The following PRR16 variants were observed in gnomAD, a reference collection of about 807,000 sequenced individuals.
The protein encoded by PRR16 is protein Largen.
A neutral mutation model predicts 18.2 loss-of-function variants in PRR16; 6 were observed. That is an observed-to-expected ratio of 0.33 (90% CI 0.18 to 0.65). The LOEUF is 0.65. Ranked by LOEUF, PRR16 falls within the 30% of genes least tolerant of loss-of-function variation. PRR16 has a pLI of 0.74. For synonymous variants in PRR16, 151 were observed against 147.8 expected, an observed-to-expected ratio of 1.02 and a Z score of -0.16; for missense variants, 412 against 376.6, an observed-to-expected ratio of 1.09 and a Z score of -0.78.
At chr5:120,605,270 G>T (rs531476028) in intron 1 of PRR16, among the ~76,000 whole-genome samples, 365 of 152,102 alleles carry the variant, frequency 2.4e-3, no homozygotes, top group Non-Finnish European at 3.3e-3. Context: ...TTTTCTACTT[G>T]AGTTGATTCA....
intron 1 of PRR16, among the ~76,000 whole-genome samples, chr5:120,544,542 A>G (rs1056918150): frequency 6.6e-6 from 1 of 152,160 alleles, no homozygotes; most frequent in East Asian, 1.9e-4. Flanking sequence ...ATTTATGTAT[A>G]TGACACTAAA....
At chr5:120,481,122 C>T (rs1208739933) in intron 1 of PRR16, 1 of 1,191,934 alleles carries the variant, frequency 8.4e-7, no homozygotes, top group Non-Finnish European at 1.1e-6. Flanking sequence ...AACACAGCTA[C>T]TTTACCAATG....
the PRR16 span, among the ~76,000 whole-genome samples, chr5:120,767,311 T>C: frequency 2.0e-5 from 3 of 151,946 alleles, no homozygotes; most frequent in Non-Finnish European, 2.9e-5. Flanking sequence ...CAGGGCACCA[T>C]AGAAGTAGGC....
the PRR16 span, among the ~76,000 whole-genome samples, chr5:120,752,334 T>C: frequency 6.6e-6 from 1 of 152,002 alleles, no homozygotes; most frequent in East Asian, 1.9e-4. Context: ...TAGATAACAG[T>C]GGAGATAATG....
chr5:120,757,760 T>G, the PRR16 span, among the ~76,000 whole-genome samples: 3 of 152,086 alleles, frequency 2.0e-5, no homozygotes, highest in Non-Finnish European at 4.4e-5. Flanking sequence ...GTGTAACTAA[T>G]GGCAAATATA....
At chr5:120,789,508 C>T in the PRR16 span, among the ~76,000 whole-genome samples, 1 of 152,048 alleles carries the variant, frequency 6.6e-6, no homozygotes, top group South Asian at 2.1e-4. Flanking sequence ...TAAGTTTAAA[C>T]TGTATAGACT....
At chr5:120,642,800 G>A (rs988468367) in intron 1 of PRR16, among the ~76,000 whole-genome samples, 4 of 151,858 alleles carry the variant, frequency 2.6e-5, no homozygotes, top group Non-Finnish European at 4.4e-5. Flanking sequence ...ATAGGCACAC[G>A]AAAACACTCT....
the PRR16 span, among the ~76,000 whole-genome samples, chr5:120,732,954 C>T: frequency 3.3e-5 from 5 of 152,028 alleles, no homozygotes; most frequent in South Asian, 2.1e-4. Context: ...ATACCAGATG[C>T]GTGAAAGGGT....
At chr5:120,657,209 G>A (rs1756011766) in intron 1 of PRR16, among the ~76,000 whole-genome samples, 1 of 151,922 alleles carries the variant, frequency 6.6e-6, no homozygotes, top group Admixed American at 6.6e-5. Context: ...GTTTAAGGGA[G>A]ACAAACAATT....
intron 1 of PRR16, among the ~76,000 whole-genome samples, chr5:120,486,927 T>G (rs1262271655): frequency 6.6e-6 from 1 of 152,244 alleles, no homozygotes; most frequent in Admixed American, 6.5e-5. Context: ...TTCCTGTTTT[T>G]GTCAGGTTTG....
At chr5:120,678,770 C>G (rs1449162) in intron 1 of PRR16, among the ~76,000 whole-genome samples, 116,620 of 152,038 alleles carry the variant, frequency 0.77, 44,872 homozygotes, top group East Asian at 0.88. Context: ...AATTTGGATT[C>G]CTTTTATTTC....
the PRR16 span, among the ~76,000 whole-genome samples, chr5:120,702,887 G>C: frequency 6.6e-6 from 1 of 152,180 alleles, no homozygotes; most frequent in African/African-American, 2.4e-5. Flanking sequence ...ATCTTTCTCA[G>C]GGAGCAAAGA....
chr5:120,490,535 T>G (rs565278428), intron 1 of PRR16, among the ~76,000 whole-genome samples: 3 of 152,292 alleles, frequency 2.0e-5, no homozygotes, highest in South Asian at 4.1e-4. Flanking sequence ...GCATTGGTTA[T>G]TCTAGTTAGC....
At chr5:120,631,646 T>G (rs1755058115) in intron 1 of PRR16, among the ~76,000 whole-genome samples, 1 of 151,968 alleles carries the variant, frequency 6.6e-6, no homozygotes. Flanking sequence ...GACTGAGAAC[T>G]ACACTCCTAT....
At chr5:120,526,116 T>G (rs1751338330) in intron 1 of PRR16, among the ~76,000 whole-genome samples, 1 of 152,128 alleles carries the variant, frequency 6.6e-6, no homozygotes, top group African/African-American at 2.4e-5. Flanking sequence ...AGTAACTGTA[T>G]AGGTCATTCA....
the PRR16 span, among the ~76,000 whole-genome samples, chr5:120,727,359 C>A: frequency 1.4e-4 from 21 of 152,140 alleles, no homozygotes; most frequent in African/African-American, 4.8e-4. Flanking sequence ...TCTGCTCTTC[C>A]AAGTTTCTAA....
chr5:120,758,063 T>C, the PRR16 span, among the ~76,000 whole-genome samples: 1 of 152,136 alleles, frequency 6.6e-6, no homozygotes, highest in Non-Finnish European at 1.5e-5. Context: ...ACTCTATTAT[T>C]CTTGTAACTT....
the PRR16 span, among the ~76,000 whole-genome samples, chr5:120,783,399 C>G: frequency 1.3e-5 from 2 of 151,994 alleles, no homozygotes. Flanking sequence ...ACAAACTTCT[C>G]AAAACTTAGA....
the PRR16 span, among the ~76,000 whole-genome samples, chr5:120,700,384 G>A: frequency 2.0e-5 from 3 of 152,024 alleles, no homozygotes; most frequent in Non-Finnish European, 2.9e-5. Flanking sequence ...ATGGTGAGGG[G>A]TGCATGATCG....
Sources: gnomAD v4.1 joint callset for allele counts (sites outside exome capture counted in the v4.1 genomes callset) on GRCh38, gnomAD v4.1.1 for gene constraint, MANE v1.5 for transcripts, NCBI Gene and HGNC (gene_info 2026-07-23, HGNC 2026-07-21) for gene names.